Variants in DBNL observed in about 807,000 individuals in gnomAD.
The protein encoded by DBNL is drebrin like.
In DBNL, 35 loss-of-function variants were observed where a neutral mutation model predicts 62.2. That is an observed-to-expected ratio of 0.56 (90% CI 0.43 to 0.75). DBNL has a LOEUF of 0.75. DBNL is among the 30% of genes least tolerant of loss of function. The pLI is 0.00. For missense variants in DBNL, 495 were observed against 578.4 expected (o/e 0.86, Z 1.48); for synonymous variants, 197 against 218.0 (o/e 0.90, Z 0.85).
chr7:44,052,998 G>T (rs117034355), intron 4 of DBNL, 57 bp downstream of exon 4: 16 of 1,578,624 alleles, frequency 1.0e-5, no homozygotes, highest in Admixed American at 5.4e-5. Flanking sequence ...TTGAGGTCTC[G>T]CAGGTTCCTG....
At chr7:44,054,945 G>T (rs2096133531) in intron 4 of DBNL, among the ~76,000 whole-genome samples, 1 of 152,166 alleles carries the variant, frequency 6.6e-6, no homozygotes, top group African/African-American at 2.4e-5. Flanking sequence ...CATCCATGTT[G>T]CTGCAAATGA....
At chr7:44,045,530 A>C (rs2128788056) in intron 1 of DBNL, among the ~76,000 whole-genome samples, 1 of 152,300 alleles carries the variant, frequency 6.6e-6, no homozygotes, top group Admixed American at 6.5e-5. Flanking sequence ...AATTGTTTTT[A>C]CTGACCAGTT....
rs2096141433 is a variant in DBNL, at chr7:44,058,568, G to A, written c.753+88G>A. 1.2e-5 allele frequency: 19 copies of A among 1,533,316 alleles called. 1 individual carries two copies. In the South Asian group the frequency reaches 2.0e-4, roughly 16 times the overall value. The allele number at this position is 1,533,316 out of a possible 1,614,324, so 95.0% of individuals were successfully genotyped here. On this transcript the variant is annotated intron_variant, in intron 8 of 12. Coordinates refer to ENST00000448521, the MANE Select transcript of DBNL (RefSeq NM_001014436.3). Reference sequence around the variant, plus strand: ...CGGATTGAGGGCCCAGCCCAGACCTGGGCAGAGGCTGCCCTGCAGTCAGCT... The same window carrying A: ...CGGATTGAGGGCCCAGCCCAGACCTAGGCAGAGGCTGCCCTGCAGTCAGCT...
Position 44,064,998 on chromosome 7 carries a change from T to C in DBNL, c.*4082T>C. 2.5e-6 allele frequency: 4 copies of C among 1,606,490 alleles called. No homozygotes were observed. The highest frequency in any genetic ancestry group is 2.2e-5 in the East Asian group (1 of 44,846). ...TGGGGAGTTCCCCGGGCTTCAGGCC[T>C]GCGTACCGACGCTCCTGGGGGACAC... On this transcript the variant is annotated 3_prime_UTR_variant, in exon 13 of 13. Coordinates refer to ENST00000448521, the MANE Select transcript of DBNL (RefSeq NM_001014436.3).
At chr7:44,044,849 C>A (rs1051241518) in intron 1 of DBNL, 29 bp downstream of exon 1, 2 of 1,423,056 alleles carry the variant, frequency 1.4e-6, no homozygotes, top group Non-Finnish European at 9.2e-7. Flanking sequence ...CAGGGTCGGG[C>A]CAGGGGCTGC....
chr7:44,046,522 C>A (rs1303552007), intron 1 of DBNL, among the ~76,000 whole-genome samples: 1 of 152,166 alleles, frequency 6.6e-6, no homozygotes, highest in Admixed American at 6.5e-5. Context: ...TACTCTCTGT[C>A]CCTCATGAGG....
In DBNL at chr7:44,065,220, C is replaced by T. The variant is rs150570281; in HGVS notation, c.*4304C>T. ...ACCTGCTCCTCCCCGTGCTTGGCGG[C>T]CGTTTCTGCCTTGTTGAGGCCTGTG... On this transcript the variant is annotated 3_prime_UTR_variant, in exon 13 of 13. Coordinates refer to ENST00000448521, the MANE Select transcript of DBNL (RefSeq NM_001014436.3). 2.2e-4 allele frequency: 354 copies of T among 1,614,050 alleles called. 3 individuals carry two copies. In the African/African-American group the frequency reaches 4.1e-3, roughly 19 times the overall value.
At position 44,065,045 on chromosome 7, in the gene DBNL, A is replaced by T; in HGVS notation, c.*4129A>T. On this transcript the variant is annotated 3_prime_UTR_variant, in exon 13 of 13. Transcript: ENST00000448521. ...ACACAGGCACGCTGCTTTCCCTCCC[A>T]AGCCAGTGGGCCCCCACCCGACTCC... is the stretch of plus-strand genomic sequence containing the variant. The T allele has an allele frequency of 1.2e-6, 2 of 1,608,650 alleles. No homozygotes were observed. The highest frequency in any genetic ancestry group is 1.7e-6 in the Non-Finnish European group (2 of 1,179,748).
At position 44,067,731 on chromosome 7, in the gene DBNL, G is replaced by C. The variant is rs1254389831; in HGVS notation, c.*6815G>C. ...GCGAGGAAGGCTGCTGAGTCAACAAGGTGGTCCCAGGAAGGTGGAGGGAGC... is the reference window on the plus strand; with the variant it reads ...GCGAGGAAGGCTGCTGAGTCAACAACGTGGTCCCAGGAAGGTGGAGGGAGC... On this transcript the variant is annotated 3_prime_UTR_variant, in exon 13 of 13. Transcript: ENST00000448521. The C allele has an allele frequency of 6.6e-6, 1 of 152,396 alleles. No homozygotes were observed. The highest frequency in any genetic ancestry group is 2.4e-5 in the African/African-American group (1 of 41,580). 9.4% of individuals were successfully genotyped at this position (152,396 alleles called of 1,614,324 possible). A position where few individuals can be genotyped will look rare whatever the true frequency, so the allele number is the denominator to read the frequency against.
intron 4 of DBNL, 87 bp downstream of exon 4, chr7:44,053,028 C>T (rs2096129411): frequency 6.6e-7 from 1 of 1,506,186 alleles, no homozygotes; most frequent in African/African-American, 1.4e-5. Flanking sequence ...AAGTGGGAAT[C>T]AGAACTGGAG....
chr7:44,060,919 C>T lies in DBNL; in HGVS notation c.*3C>T, dbSNP rs758506596. ...ACTACGTGGAGCTCATTGAGTGAGG[C>T]TGAGGGCACATCTTGCCCTTCCCCT... On this transcript the variant is annotated 3_prime_UTR_variant, in exon 13 of 13. Transcript: ENST00000448521. The surrounding 1 kb of genome is among the most constrained non-coding windows in gnomAD (Gnocchi z 6.3). 2 of 1,613,292 alleles carry T rather than the reference C, an allele frequency of 1.2e-6. No homozygotes were observed. The highest frequency in any genetic ancestry group is 2.2e-5 in the East Asian group (1 of 44,896).
chr7:44,051,157 A>C (rs1330570965), intron 2 of DBNL: 1 of 152,264 alleles, frequency 6.6e-6, no homozygotes, highest in East Asian at 1.9e-4. Flanking sequence ...GACTGCCTCC[A>C]CTCATACGGA....
In DBNL at chr7:44,063,730, G is replaced by C. The variant is rs768273385; in HGVS notation, c.*2814G>C. ...GCCCCTGAGCTGGGAATAGCAGCTCGACCTTTGATGTTCGCGCCACTCCAC... is the reference window on the plus strand; with the variant it reads ...GCCCCTGAGCTGGGAATAGCAGCTCCACCTTTGATGTTCGCGCCACTCCAC... On this transcript the variant is annotated 3_prime_UTR_variant, in exon 13 of 13. Coordinates refer to ENST00000448521, the MANE Select transcript of DBNL (RefSeq NM_001014436.3). The C allele has an allele frequency of 2.0e-5, 3 of 153,792 alleles. No homozygotes were observed. Among genetic ancestry groups the C allele is most frequent in the African/African-American group, 4.8e-5 (2 of 41,472 alleles). 9.5% of individuals were successfully genotyped at this position (153,792 alleles called of 1,614,324 possible).
At position 44,065,952 on chromosome 7, in the gene DBNL, A is replaced by C; in HGVS notation, c.*5036A>C. ...CTGCTCAGACAGAGGCACAAACAAAATCCCAACCCCTTTCTCCTGTGATTG... is the reference window on the plus strand; with the variant it reads ...CTGCTCAGACAGAGGCACAAACAAACTCCCAACCCCTTTCTCCTGTGATTG... On this transcript the variant is annotated 3_prime_UTR_variant, in exon 13 of 13. Coordinates refer to ENST00000448521, the MANE Select transcript of DBNL (RefSeq NM_001014436.3). The C allele has an allele frequency of 3.3e-6, 1 of 302,674 alleles. No individual in the cohort carries two copies. The highest frequency in any genetic ancestry group is 6.5e-6 in the Non-Finnish European group (1 of 153,998). 18.7% of individuals were successfully genotyped at this position (302,674 alleles called of 1,614,324 possible).
intron 4 of DBNL, among the ~76,000 whole-genome samples, chr7:44,056,223 G>A (rs1053183475): frequency 2.7e-5 from 4 of 150,724 alleles, no homozygotes; most frequent in African/African-American, 7.4e-5. Context: ...TGAGTTGGCT[G>A]TGTGTGTGAG....
chr7:44,050,429 T>C (rs1049952551), intron 2 of DBNL, 149 bp downstream of exon 2: 2 of 721,540 alleles, frequency 2.8e-6, no homozygotes, highest in East Asian at 2.8e-5. Context: ...GTTTCAGATA[T>C]GTGTAAGTGA....
chr7:44,059,197 C>T lies in DBNL; in HGVS notation c.836-157C>T, dbSNP rs1222233214. On this transcript the variant is annotated intron_variant, in intron 9 of 12. Transcript: ENST00000448521. The surrounding 1 kb of genome is among the most constrained non-coding windows in gnomAD (Gnocchi z 4.1). Reference sequence around the variant, plus strand: ...TATTGGGCTGCGCTGTCTACCACGTCACCACATAGCACATGGCCCTGGGGC... The same window carrying T: ...TATTGGGCTGCGCTGTCTACCACGTTACCACATAGCACATGGCCCTGGGGC... Among the ~76,000 whole-genome samples, 1 of 152,230 alleles carries T rather than the reference C, an allele frequency of 6.6e-6. No homozygotes were observed. The highest frequency in any genetic ancestry group is 2.4e-5 in the African/African-American group (1 of 41,466).
Position 44,062,428 on chromosome 7 carries a change from T to C in DBNL, c.*1512T>C, listed in dbSNP as rs963572592. 1.1e-5 allele frequency: 4 copies of C among 364,834 alleles called. No individual in the cohort carries two copies. Among genetic ancestry groups the C allele is most frequent in the African/African-American group, 8.4e-5 (4 of 47,660 alleles). The allele number at this position is 364,834 out of a possible 1,614,324, so 22.6% of individuals were successfully genotyped here. On this transcript the variant is annotated 3_prime_UTR_variant, in exon 13 of 13. Coordinates refer to ENST00000448521, the MANE Select transcript of DBNL (RefSeq NM_001014436.3). ...CCTGGGCTGTGGTCCTTGCTCCCCA[T>C]GGGGAGAGCTGGGTCACTTGGCCTC...
chr7:44,065,258 T>C lies in DBNL; in HGVS notation c.*4342T>C, dbSNP rs1303071891. On this transcript the variant is annotated 3_prime_UTR_variant, in exon 13 of 13. Transcript: ENST00000448521. Reference sequence around the variant, plus strand: ...GTTGAGGCCTGTGAGGCCCCCGTAATGCCGCTCATTGAGGCGCCAAGTGCG... The same window carrying C: ...GTTGAGGCCTGTGAGGCCCCCGTAACGCCGCTCATTGAGGCGCCAAGTGCG... The C allele has an allele frequency of 1.1e-5, 17 of 1,613,740 alleles. No individual in the cohort carries two copies. The highest frequency in any genetic ancestry group is 1.4e-5 in the Non-Finnish European group (16 of 1,180,050).
Sources: gnomAD v4.1 joint callset for allele counts (sites outside exome capture counted in the v4.1 genomes callset) on GRCh38, gnomAD v4.1.1 for gene constraint, Gnocchi (gnomAD v3.1) non-coding constraint, MANE v1.5 for transcripts, NCBI Gene and HGNC (gene_info 2026-07-23, HGNC 2026-07-21) for gene names.